Variants in PBX3 observed in about 807,000 individuals in gnomAD.
PBX3 encodes the protein pre-B-cell leukemia transcription factor 3.
PBX3 carries 14 observed loss-of-function variants against 48.5 expected under a neutral mutation model. The observed-to-expected ratio is 0.29, with a 90% CI of 0.19 to 0.45. PBX3 has a LOEUF of 0.45. PBX3 is among the 20% of genes least tolerant of loss of function. The probability of loss-of-function intolerance (pLI) is 1.00; values close to 1 mark genes in which losing one functional copy is unlikely to be tolerated. For synonymous variants in PBX3, 210 were observed against 200.3 expected (o/e 1.05, Z -0.41); for missense variants, 386 against 546.7 (o/e 0.71, Z 2.93).
At chr9:125,952,597 T>A (rs1842217058) in intron 5 of PBX3, among the ~76,000 whole-genome samples, 1 of 152,224 alleles carries the variant, frequency 6.6e-6, no homozygotes, top group Non-Finnish European at 1.5e-5. Flanking sequence ...TTGAGATTTA[T>A]AAAGTGTTTG....
At chr9:125,783,619 A>G (rs1333304972) in intron 2 of PBX3, among the ~76,000 whole-genome samples, 1 of 152,134 alleles carries the variant, frequency 6.6e-6, no homozygotes, top group Non-Finnish European at 1.5e-5. Flanking sequence ...CTCTTTGCTA[A>G]TACTCTGTTT....
chr9:125,771,372 G>GTC (rs1836937034), intron 2 of PBX3, among the ~76,000 whole-genome samples: 1 of 152,128 alleles, frequency 6.6e-6, no homozygotes, highest in Admixed American at 6.6e-5. Context: ...TCCAAAGGGA[G>GTC]AAGTTTCAAT....
intron 2 of PBX3, among the ~76,000 whole-genome samples, chr9:125,749,762 A>C (rs1489508718): frequency 1.3e-5 from 2 of 152,184 alleles, no homozygotes; most frequent in African/African-American, 4.8e-5. Flanking sequence ...TAGGCGAGTC[A>C]GCCTTCTTTG....
At chr9:125,802,067 A>AGG (rs1450138342) in intron 2 of PBX3, among the ~76,000 whole-genome samples, 1 of 152,184 alleles carries the variant, frequency 6.6e-6, no homozygotes, top group Non-Finnish European at 1.5e-5. Flanking sequence ...TATCTCAACA[A>AGG]CAACAATAAC....
intron 2 of PBX3, among the ~76,000 whole-genome samples, chr9:125,804,917 A>AGGCTGAGATCAT (rs879326095): frequency 6.8e-6 from 1 of 147,152 alleles, no homozygotes; most frequent in East Asian, 2.0e-4. Flanking sequence ...ACTGCACTCC[A>AGGCTGAGATCAT]GCCTGGGTGA....
chr9:125,934,182 T>C (rs559632076), intron 4 of PBX3, among the ~76,000 whole-genome samples: 4 of 152,150 alleles, frequency 2.6e-5, no homozygotes, highest in Non-Finnish European at 5.9e-5. Flanking sequence ...AAAACCTGAG[T>C]TGTTTTGATC....
chr9:125,749,560 C>CTTTTTTTTT (rs75281692), intron 2 of PBX3: 5 of 115,332 alleles, frequency 4.3e-5, no homozygotes, highest in Admixed American at 8.3e-5. Context: ...TCTTTTCTTT[C>CTTTTTTTTT]TTTTTTTTTT....
intron 2 of PBX3, among the ~76,000 whole-genome samples, chr9:125,911,826 T>A (rs1841210055): frequency 6.6e-6 from 1 of 152,194 alleles, no homozygotes. Flanking sequence ...GTCTGAATAA[T>A]GTACTCTTTA....
At chr9:125,791,635 C>T (rs1216976802) in intron 2 of PBX3, among the ~76,000 whole-genome samples, 3 of 152,050 alleles carry the variant, frequency 2.0e-5, no homozygotes, top group Non-Finnish European at 4.4e-5. Context: ...TTGCCTTCTG[C>T]CATGATTTAA....
intron 2 of PBX3, among the ~76,000 whole-genome samples, chr9:125,873,562 C>T (rs2132327892): frequency 6.6e-6 from 1 of 152,224 alleles, no homozygotes; most frequent in Non-Finnish European, 1.5e-5. Context: ...ATTCCTACAA[C>T]ATTTGGAAGT....
chr9:125,763,763 C>T (rs896018798), intron 2 of PBX3, among the ~76,000 whole-genome samples: 1 of 152,130 alleles, frequency 6.6e-6, no homozygotes, highest in Non-Finnish European at 1.5e-5. Context: ...CCTTTTACTC[C>T]ACTTTGATGG....
rs1436617962 is a variant in PBX3 at position 125,780,180 on chromosome 9, C to T, written c.274+31557C>T. ...TCACCTCCCGGACGGGGCGGCTGGC[C>T]GGGCGAGGTGCTGATCCCCCCACCT... On this transcript the variant is annotated intron_variant, in intron 2 of 8. Coordinates refer to ENST00000373489, the MANE Select transcript of PBX3 (RefSeq NM_006195.6). Among the ~76,000 whole-genome samples, 30 of 131,160 alleles carry T rather than the reference C, an allele frequency of 2.3e-4. 1 individual carries two copies. Among genetic ancestry groups the T allele is most frequent in the East Asian group, 5.8e-4 (2 of 3,444 alleles). 86.0% of individuals were successfully genotyped at this position (131,160 alleles called of 152,430 possible). A position where few individuals can be genotyped will look rare whatever the true frequency, so the allele number is the denominator to read the frequency against.
Position 125,801,222 on chromosome 9 carries a change from C to G in PBX3, c.274+52599C>G, listed in dbSNP as rs569817203. Among the ~76,000 whole-genome samples, 3 of 152,236 alleles carry G rather than the reference C, an allele frequency of 2.0e-5. No individual in the cohort carries two copies. In the East Asian group the frequency reaches 5.8e-4, roughly 29 times the overall value. On this transcript the variant is annotated intron_variant, in intron 2 of 8. Transcript: ENST00000373489. ...ATGAACAATGAAATACCTTGCATAT[C>G]CTTTTGATTTTGAAGTACTTCTCTG...
intron 2 of PBX3, among the ~76,000 whole-genome samples, chr9:125,908,674 A>G (rs978951723): frequency 2.6e-5 from 4 of 152,110 alleles, no homozygotes; most frequent in Non-Finnish European, 5.9e-5. Flanking sequence ...ACAAAGACCC[A>G]TAGGGATTAA....
chr9:125,840,108 A>G (rs1366596372), intron 2 of PBX3, among the ~76,000 whole-genome samples: 1 of 152,048 alleles, frequency 6.6e-6, no homozygotes, highest in African/African-American at 2.4e-5. Flanking sequence ...CTTTTTTTTA[A>G]ATATCTTAAA....
chr9:125,784,994 C>T, intron 2 of PBX3, among the ~76,000 whole-genome samples: 1 of 152,218 alleles, frequency 6.6e-6, no homozygotes, highest in Admixed American at 6.5e-5. Flanking sequence ...TCTCCCTTCG[C>T]TAGCCTTTTC....
At chr9:125,901,472 T>C (rs937510658) in intron 2 of PBX3, among the ~76,000 whole-genome samples, 2 of 151,744 alleles carry the variant, frequency 1.3e-5, no homozygotes, top group Non-Finnish European at 3.0e-5. Flanking sequence ...CTGAAGTTAC[T>C]AAGACTTTGT....
intron 5 of PBX3, among the ~76,000 whole-genome samples, chr9:125,957,455 T>A (rs1013922891): frequency 2.6e-5 from 4 of 152,252 alleles, no homozygotes; most frequent in Non-Finnish European, 2.9e-5. Context: ...CTGCTGGTGA[T>A]ATTAAAATTT....
At chr9:125,771,591 A>G (rs1836942155) in intron 2 of PBX3, among the ~76,000 whole-genome samples, 1 of 152,220 alleles carries the variant, frequency 6.6e-6, no homozygotes, top group Admixed American at 6.5e-5. Context: ...CTTCCCTCTC[A>G]GGACTAATTT....
Sources: gnomAD v4.1 joint callset for allele counts (sites outside exome capture counted in the v4.1 genomes callset) on GRCh38, gnomAD v4.1.1 for gene constraint, MANE v1.5 for transcripts, NCBI Gene and HGNC (gene_info 2026-07-23, HGNC 2026-07-21) for gene names.